CCSER1: variants seen among roughly 807,000 people sequenced by gnomAD.
CCSER1 encodes serine-rich coiled-coil domain-containing protein 1.
A neutral mutation model predicts 82.0 loss-of-function variants in CCSER1; 41 were observed. The ratio of observed to expected loss-of-function variants is 0.50; its 90% CI spans 0.39 to 0.65. The LOEUF (loss-of-function observed/expected upper bound fraction) is 0.65, where lower values mean the gene tolerates loss of function less well. Ranked by LOEUF, CCSER1 falls within the 30% of genes least tolerant of loss-of-function variation. CCSER1 has a pLI of 0.00. For synonymous variants in CCSER1, 414 were observed against 383.9 expected (o/e 1.08, Z -0.92); for missense variants, 1,119 against 1,064.2 (o/e 1.05, Z -0.72).
At chr4:90,472,671 T>C (rs1444186188) in intron 5 of CCSER1, among the ~76,000 whole-genome samples, 5 of 152,170 alleles carry the variant, frequency 3.3e-5, no homozygotes, top group Non-Finnish European at 2.9e-5. Flanking sequence ...CAGAATACCA[T>C]AGAAAGGATA....
At chr4:90,138,734 G>C (rs1035871808) in intron 1 of CCSER1, among the ~76,000 whole-genome samples, 1 of 151,964 alleles carries the variant, frequency 6.6e-6, no homozygotes, top group African/African-American at 2.4e-5. Context: ...TTAAGTTCTA[G>C]GGTACATATG....
intron 3 of CCSER1, among the ~76,000 whole-genome samples, chr4:90,397,164 C>CAATT (rs1465768365): frequency 1.3e-5 from 2 of 152,104 alleles, no homozygotes; most frequent in African/African-American, 4.8e-5. Context: ...CAAAGGAAGG[C>CAATT]AATTTAGAAT....
intron 10 of CCSER1, among the ~76,000 whole-genome samples, chr4:91,579,579 G>C (rs1763632602): frequency 6.6e-6 from 1 of 151,946 alleles, no homozygotes; most frequent in Non-Finnish European, 1.5e-5. Flanking sequence ...CAAAGTGGCT[G>C]ATGGAAAGAA....
At chr4:90,208,225 A>T (rs1180195762) in intron 1 of CCSER1, among the ~76,000 whole-genome samples, 1 of 152,236 alleles carries the variant, frequency 6.6e-6, no homozygotes, top group Admixed American at 6.5e-5. Flanking sequence ...AGAGGCAGGC[A>T]GTCTGGCTAC....
chr4:91,241,166 ATTATC>A (rs1226826072), intron 10 of CCSER1, among the ~76,000 whole-genome samples: 1 of 67,900 alleles, frequency 1.5e-5, no homozygotes, highest in East Asian at 3.6e-4. Context: ...TTTTATTAAT[ATTATC>A]TTCATGATAA....
intron 10 of CCSER1, among the ~76,000 whole-genome samples, chr4:91,159,268 A>G (rs1388495902): frequency 1.3e-5 from 2 of 151,906 alleles, no homozygotes; most frequent in Admixed American, 1.3e-4. Flanking sequence ...AATCTCAACC[A>G]TTGTTAATGC....
At chr4:90,917,943 A>G (rs1727747130) in intron 8 of CCSER1, among the ~76,000 whole-genome samples, 1 of 152,010 alleles carries the variant, frequency 6.6e-6, no homozygotes, top group Non-Finnish European at 1.5e-5. Flanking sequence ...CTTTACCTTT[A>G]GATTCATGAC....
chr4:90,569,652 T>C (rs1779872135), intron 5 of CCSER1, among the ~76,000 whole-genome samples: 1 of 152,126 alleles, frequency 6.6e-6, no homozygotes, highest in South Asian at 2.1e-4. Context: ...GAGGCACAAT[T>C]TGTACCTATG....
chr4:90,933,263 C>T (rs1052311979), intron 9 of CCSER1, among the ~76,000 whole-genome samples: 1 of 150,994 alleles, frequency 6.6e-6, no homozygotes, highest in Admixed American at 6.6e-5. Context: ...TCTCGGCTCA[C>T]TGCAATCTCC....
At chr4:90,204,556 C>G (rs541856898) in intron 1 of CCSER1, among the ~76,000 whole-genome samples, 1 of 152,280 alleles carries the variant, frequency 6.6e-6, no homozygotes, top group Admixed American at 6.5e-5. Context: ...GTCTATATAT[C>G]TGTTTTGGTA....
rs1310536351 is a variant in CCSER1 at position 90,254,494 on chromosome 4, T to A, written c.-41-53750T>A. On this transcript the variant is annotated intron_variant, in intron 1 of 10. Coordinates refer to ENST00000509176, the MANE Select transcript of CCSER1 (RefSeq NM_001145065.2). The stretch of plus-strand genomic sequence containing the variant: ...TCAGCCAGCTATGCCTGGGGGTAGA[T>A]CTTCCATTCTATGAGTAAGGCTGAG... 1.3e-5 allele frequency among the ~76,000 whole-genome samples: 2 copies of A among 152,176 alleles called. 1 individual carries two copies. The highest frequency in any genetic ancestry group is 4.1e-4 in the South Asian group (2 of 4,828).
intron 10 of CCSER1, among the ~76,000 whole-genome samples, chr4:91,563,963 T>C (rs1762771690): frequency 1.3e-5 from 2 of 151,830 alleles, no homozygotes; most frequent in Admixed American, 1.3e-4. Context: ...TGATAGTTTG[T>C]TATAAATATA....
At chr4:90,552,960 G>T (rs745313086) in intron 5 of CCSER1, among the ~76,000 whole-genome samples, 3 of 151,050 alleles carry the variant, frequency 2.0e-5, no homozygotes, top group Non-Finnish European at 2.9e-5. Context: ...TTCATAAATG[G>T]TCACTAAATT....
chr4:91,438,662 G>C (rs1390444808), intron 10 of CCSER1, among the ~76,000 whole-genome samples: 3 of 152,176 alleles, frequency 2.0e-5, no homozygotes, highest in African/African-American at 7.2e-5. Context: ...AGAGAAGAAG[G>C]CTTCAGATGA....
At chr4:90,492,136 C>T (rs990030244) in intron 5 of CCSER1, among the ~76,000 whole-genome samples, 1 of 152,100 alleles carries the variant, frequency 6.6e-6, no homozygotes, top group Non-Finnish European at 1.5e-5. Flanking sequence ...GGGTGTGAAT[C>T]TGTCTGGTCC....
intron 9 of CCSER1, among the ~76,000 whole-genome samples, chr4:90,957,436 C>T (rs192635318): frequency 1.2e-3 from 173 of 142,414 alleles, no homozygotes; most frequent in Middle Eastern, 7.4e-3. Context: ...ACTCTAAAAA[C>T]GAACAGCAAT....
At chr4:91,281,251 G>A (rs947770991) in intron 10 of CCSER1, among the ~76,000 whole-genome samples, 1 of 151,956 alleles carries the variant, frequency 6.6e-6, no homozygotes, top group Non-Finnish European at 1.5e-5. Context: ...TCTTTCTTAT[G>A]GGATCTATTC....
intron 5 of CCSER1, among the ~76,000 whole-genome samples, chr4:90,514,859 T>G (rs893009999): frequency 6.6e-6 from 1 of 152,034 alleles, no homozygotes; most frequent in Non-Finnish European, 1.5e-5. Context: ...ATTACATTAT[T>G]ACATAGTTAA....
At chr4:91,435,615 T>G (rs1465417177) in intron 10 of CCSER1, among the ~76,000 whole-genome samples, 1 of 152,200 alleles carries the variant, frequency 6.6e-6, no homozygotes, top group African/African-American at 2.4e-5. Context: ...TAGTATTAAA[T>G]TACAGGAATT....
Sources: gnomAD v4.1 joint callset for allele counts (sites outside exome capture counted in the v4.1 genomes callset) on GRCh38, gnomAD v4.1.1 for gene constraint, MANE v1.5 for transcripts, NCBI Gene and HGNC (gene_info 2026-07-23, HGNC 2026-07-21) for gene names.